The following ELAVL2 variants were observed in gnomAD, a reference collection of about 807,000 sequenced individuals.
The protein encoded by ELAVL2 is ELAV-like protein 2.
A neutral mutation model predicts 34.6 loss-of-function variants in ELAVL2; 4 were observed. That is an observed-to-expected ratio of 0.12 (90% CI 0.06 to 0.26). The LOEUF is 0.26. ELAVL2 is among the 10% of genes least tolerant of loss of function. The pLI is 1.00. For synonymous variants in ELAVL2, 193 were observed against 154.8 expected (o/e 1.25, Z -1.83); for missense variants, 432 against 442.8 (o/e 0.98, Z 0.22).
At chr9:23,774,114 G>A (rs1588355236) in intron 1 of ELAVL2, among the ~76,000 whole-genome samples, 1 of 149,928 alleles carries the variant, frequency 6.7e-6, no homozygotes, top group Admixed American at 6.7e-5. Flanking sequence ...GGGAGGCTGA[G>A]GCAGGACAAT....
At chr9:23,815,476 AC>A (rs1472756678) in intron 1 of ELAVL2, among the ~76,000 whole-genome samples, 2 of 152,186 alleles carry the variant, frequency 1.3e-5, no homozygotes, top group East Asian at 1.9e-4. Context: ...TTATAAAAAA[AC>A]AAAATCACTA....
chr9:23,702,964 A>AACAAAAC lies in ELAVL2; in HGVS notation c.488-1361_488-1360insGTTTTGT, dbSNP rs1186881649. ...GCATCAGATTAGCAAAAAAAAAAAA[A>AACAAAAC]AAAAAAAAAAAAAAAAACAGCCTCT... On this transcript the variant is annotated intron_variant, in intron 4 of 6. Coordinates refer to ENST00000397312, the MANE Select transcript of ELAVL2 (RefSeq NM_004432.5). Among the ~76,000 whole-genome samples the AACAAAAC allele has an allele frequency of 1.3e-4, 18 of 141,670 alleles. 1 individual carries two copies. Among genetic ancestry groups the AACAAAAC allele is most frequent in the Admixed American group, 3.5e-4 (5 of 14,362 alleles). 92.9% of individuals were successfully genotyped at this position (141,670 alleles called of 152,430 possible). A position where few individuals can be genotyped will look rare whatever the true frequency, so the allele number is the denominator to read the frequency against.
chr9:23,722,805 G>C (rs372997662), intron 3 of ELAVL2, among the ~76,000 whole-genome samples: 2 of 152,166 alleles, frequency 1.3e-5, no homozygotes, highest in East Asian at 1.9e-4. Context: ...GTTTCTGCAC[G>C]AATTCAAAAC....
At chr9:23,797,066 A>C (rs1049967761) in intron 1 of ELAVL2, among the ~76,000 whole-genome samples, 1 of 152,130 alleles carries the variant, frequency 6.6e-6, no homozygotes, top group Non-Finnish European at 1.5e-5. Flanking sequence ...AATTAACCTG[A>C]CCTTTATGCT....
At chr9:23,782,887 G>T (rs1223949669) in intron 1 of ELAVL2, among the ~76,000 whole-genome samples, 1 of 152,192 alleles carries the variant, frequency 6.6e-6, no homozygotes, top group Non-Finnish European at 1.5e-5. Flanking sequence ...GAAGTGAGCT[G>T]AAGTGAAACC....
Position 23,692,692 on chromosome 9 carries a change from T to C in ELAVL2, c.945A>G (p.Lys315=), listed in dbSNP as rs779237625. ...VKVIRDFNTN[K]CKGFGFVTMT... is the part of the protein sequence containing the mutation. Reference sequence around the variant, plus strand: ...TAGTCACAAATCCAAAACCTTTGCATTTATTGGTGTTAAAGTCACGGATGA... The same window carrying C: ...TAGTCACAAATCCAAAACCTTTGCACTTATTGGTGTTAAAGTCACGGATGA... Residue 315 remains lysine, a synonymous_variant, in exon 7 of 7, where the codon AAA becomes AAG. Transcript: ENST00000397312. 1 of 1,614,074 alleles carries C rather than the reference T, an allele frequency of 6.2e-7. No homozygotes were observed. Among genetic ancestry groups the C allele is most frequent in the African/African-American group, 1.3e-5 (1 of 74,938 alleles).
At chr9:23,713,405 A>T (rs1485340802) in intron 3 of ELAVL2, among the ~76,000 whole-genome samples, 1 of 152,192 alleles carries the variant, frequency 6.6e-6, no homozygotes, top group East Asian at 1.9e-4. Context: ...AGCCATTCCA[A>T]GTCTAAGCAG....
At chr9:23,788,981 C>T (rs1251071565) in intron 1 of ELAVL2, among the ~76,000 whole-genome samples, 3 of 152,056 alleles carry the variant, frequency 2.0e-5, no homozygotes, top group Admixed American at 6.6e-5. Context: ...TCATGGAAAG[C>T]GAAACTGTGG....
At chr9:23,711,479 C>T (rs2040939258) in intron 3 of ELAVL2, among the ~76,000 whole-genome samples, 1 of 152,130 alleles carries the variant, frequency 6.6e-6, no homozygotes, top group Non-Finnish European at 1.5e-5. Context: ...CACTGGCTAC[C>T]TCTTCCATAC....
intron 5 of ELAVL2, among the ~76,000 whole-genome samples, chr9:23,700,537 A>G (rs1056068547): frequency 2.6e-5 from 4 of 152,232 alleles, no homozygotes; most frequent in Non-Finnish European, 1.5e-5. Flanking sequence ...AGAGGTCAGT[A>G]AATTACAACC....
At chr9:23,746,092 T>C (rs2050411600) in intron 2 of ELAVL2, among the ~76,000 whole-genome samples, 1 of 152,136 alleles carries the variant, frequency 6.6e-6, no homozygotes, top group Non-Finnish European at 1.5e-5. Flanking sequence ...AACTTTGCTT[T>C]CCTCCAACAC....
intron 3 of ELAVL2, among the ~76,000 whole-genome samples, chr9:23,717,474 T>C (rs954121006): frequency 6.6e-6 from 1 of 152,232 alleles, no homozygotes; most frequent in African/African-American, 2.4e-5. Flanking sequence ...TTGTAGAAGG[T>C]TATTACTTGA....
chr9:23,719,384 C>A (rs1385364878), intron 3 of ELAVL2, among the ~76,000 whole-genome samples: 1 of 152,192 alleles, frequency 6.6e-6, no homozygotes, highest in Non-Finnish European at 1.5e-5. Context: ...CTCACCTTCA[C>A]AGTTCATCTG....
chr9:23,707,027 G>A (rs2039541579), intron 3 of ELAVL2, among the ~76,000 whole-genome samples: 1 of 152,196 alleles, frequency 6.6e-6, no homozygotes, highest in South Asian at 2.1e-4. Flanking sequence ...AGTTATATTA[G>A]CACTGTCCTG....
rs150909030 is a variant in ELAVL2 at position 23,778,436 on chromosome 9, T to C, written c.-15-16187A>G. 7.9e-5 allele frequency among the ~76,000 whole-genome samples: 12 copies of C among 152,330 alleles called. 1 individual carries two copies. In the East Asian group the frequency reaches 2.3e-3, roughly 29 times the overall value. On this transcript the variant is annotated intron_variant, in intron 1 of 6. Transcript: ENST00000397312. Reference sequence around the variant, plus strand: ...ATTTCACCAATGTAACAATTTCACATTCATAAAACTATATTTCTGATTTCG... The same window carrying C: ...ATTTCACCAATGTAACAATTTCACACTCATAAAACTATATTTCTGATTTCG...
chr9:23,769,002 A>G (rs2056833413), intron 1 of ELAVL2, among the ~76,000 whole-genome samples: 1 of 152,032 alleles, frequency 6.6e-6, no homozygotes, highest in Non-Finnish European at 1.5e-5. Flanking sequence ...GGTCCAGCCT[A>G]AACAGAGTGA....
intron 1 of ELAVL2, among the ~76,000 whole-genome samples, chr9:23,791,980 T>G (rs974114470): frequency 6.6e-6 from 1 of 152,210 alleles, no homozygotes; most frequent in Non-Finnish European, 1.5e-5. Flanking sequence ...ACCTTAGGTA[T>G]GCAAATAGTC....
At chr9:23,820,801 C>T (rs895570748) in intron 1 of ELAVL2, among the ~76,000 whole-genome samples, 10 of 152,348 alleles carry the variant, frequency 6.6e-5, no homozygotes, top group Admixed American at 2.6e-4. Context: ...GCCGCAACCA[C>T]GGCAAGCGAA....
chr9:23,739,032 T>G (rs1437755855), intron 2 of ELAVL2, among the ~76,000 whole-genome samples: 1 of 152,186 alleles, frequency 6.6e-6, no homozygotes, highest in East Asian at 1.9e-4. Flanking sequence ...AATTCAGTCT[T>G]AGACTATTGA....
Sources: allele counts gnomAD v4.1 joint callset (sites outside exome capture counted in the v4.1 genomes callset), GRCh38; gene constraint gnomAD v4.1.1; transcripts MANE v1.5; gene names NCBI Gene and HGNC (gene_info 2026-07-23, HGNC 2026-07-21).